The following MAP3K20 variants were observed in gnomAD, a reference collection of about 807,000 sequenced individuals.
MAP3K20 encodes mitogen-activated protein kinase kinase kinase 20.
MAP3K20 carries 40 observed loss-of-function variants against 85.7 expected under a neutral mutation model. The ratio of observed to expected loss-of-function variants is 0.47; its 90% CI spans 0.36 to 0.61. The LOEUF is 0.61. MAP3K20 is among the 20% of genes least tolerant of loss of function. The probability of loss-of-function intolerance (pLI) is 0.00; values close to 1 mark genes in which losing one functional copy is unlikely to be tolerated. For synonymous variants in MAP3K20, 325 were observed against 327.7 expected (o/e 0.99, Z 0.09); for missense variants, 817 against 961.7 (o/e 0.85, Z 1.99).
chr2:173,124,779 G>A (rs146659833), intron 2 of MAP3K20, among the ~76,000 whole-genome samples: 141 of 152,302 alleles, frequency 9.3e-4, no homozygotes, highest in African/African-American at 3.2e-3. Context: ...CAAGAAAGAT[G>A]CTCCTTCCTC....
At chr2:173,226,239 G>GCC (rs1439968258) in intron 11 of MAP3K20, 2 of 985,260 alleles carry the variant, frequency 2.0e-6, no homozygotes, top group Non-Finnish European at 2.4e-6. Flanking sequence ...CAGAATTACT[G>GCC]TGCGTACAAC....
chr2:173,193,762 C>T (rs1481512218), intron 7 of MAP3K20, among the ~76,000 whole-genome samples: 1 of 152,170 alleles, frequency 6.6e-6, no homozygotes, highest in Non-Finnish European at 1.5e-5. Flanking sequence ...ACTTAAGAAA[C>T]TATGCACCAC....
rs1044727042 is a variant in MAP3K20 at position 173,112,091 on chromosome 2, G to A, written c.159+20901G>A. 3.3e-5 allele frequency among the ~76,000 whole-genome samples: 5 copies of A among 151,964 alleles called. No homozygotes were observed. The Middle Eastern group carries it at 0.01, about 310-fold the overall frequency. On this transcript the variant is annotated intron_variant, in intron 2 of 19. Coordinates refer to ENST00000375213, the MANE Select transcript of MAP3K20 (RefSeq NM_016653.3). ...GTTCGTGTCATCTATGATTTCTTTC[G>A]GCAGTGATTTGTAGTTTTCCTTATA...
Position 173,261,145 on chromosome 2 carries a change from C to G in MAP3K20, c.1551+8C>G, listed in dbSNP as rs759728113. ...TGCACTGTCACATATGAGGTAAGCT[C>G]TGGGGGCAAGAGGCTGGTGGCCTCA... On this transcript the variant is annotated splice_region_variant and intron_variant, in intron 18 of 19. Coordinates refer to ENST00000375213, the MANE Select transcript of MAP3K20 (RefSeq NM_016653.3). The G allele has an allele frequency of 4.3e-6, 7 of 1,613,190 alleles. No individual in the cohort carries two copies. The African/African-American group carries it at 9.3e-5, about 22-fold the overall frequency.
chr2:173,254,268 A>AC (rs1389107078), intron 16 of MAP3K20, among the ~76,000 whole-genome samples: 8 of 150,866 alleles, frequency 5.3e-5, no homozygotes, highest in Non-Finnish European at 8.9e-5. Flanking sequence ...ACAAAAAAAA[A>AC]ACACAAAAAA....
At chr2:173,127,752 A>G (rs1247181395) in intron 2 of MAP3K20, among the ~76,000 whole-genome samples, 1 of 152,056 alleles carries the variant, frequency 6.6e-6, no homozygotes. Context: ...AAAAAAAAGT[A>G]AGACATAAAG....
intron 2 of MAP3K20, among the ~76,000 whole-genome samples, chr2:173,140,834 A>ACG (rs1688950819): frequency 6.6e-6 from 1 of 152,042 alleles, no homozygotes; most frequent in Admixed American, 6.6e-5. Context: ...ATATACACAC[A>ACG]CACACACGAG....
chr2:173,174,196 T>C (rs945836038), intron 3 of MAP3K20, among the ~76,000 whole-genome samples: 3 of 152,206 alleles, frequency 2.0e-5, no homozygotes, highest in African/African-American at 7.2e-5. Flanking sequence ...AACTATTTTA[T>C]TTAATCATGT....
intron 2 of MAP3K20, among the ~76,000 whole-genome samples, chr2:173,105,051 A>G (rs1036651823): frequency 6.6e-6 from 1 of 152,238 alleles, no homozygotes; most frequent in South Asian, 2.1e-4. Context: ...GTAGGCAATT[A>G]TAAGAGCCTC....
intron 2 of MAP3K20, among the ~76,000 whole-genome samples, chr2:173,157,859 A>G (rs2106235487): frequency 6.6e-6 from 1 of 152,346 alleles, no homozygotes; most frequent in Non-Finnish European, 1.5e-5. Flanking sequence ...TAGTGGGGAC[A>G]GCAGCTCAGG....
intron 17 of MAP3K20, among the ~76,000 whole-genome samples, chr2:173,260,813 T>C (rs1369612438): frequency 2.0e-5 from 3 of 152,182 alleles, no homozygotes; most frequent in African/African-American, 7.2e-5. Context: ...AAATGTTATA[T>C]CGGAAAAGAA....
rs1559280106 is a variant in MAP3K20 at position 173,209,718 on chromosome 2, C to T, written c.745-11C>T. On this transcript the variant is annotated splice_polypyrimidine_tract_variant and intron_variant, in intron 9 of 19. Transcript: ENST00000375213. ...GTCCCAGCGAATGATTACTTATTTT[C>T]TCTTCTTCAGAAACGGCCATCATTC... 2 of 1,598,720 alleles carry T rather than the reference C, an allele frequency of 1.3e-6. No homozygotes were observed. The highest frequency in any genetic ancestry group is 1.3e-5 in the African/African-American group (1 of 74,354).
intron 16 of MAP3K20, among the ~76,000 whole-genome samples, chr2:173,247,737 G>A (rs1260220840): frequency 2.6e-5 from 4 of 152,154 alleles, no homozygotes; most frequent in Non-Finnish European, 5.9e-5. Flanking sequence ...GAGGGCAGGA[G>A]GAAACTTTTG....
At chr2:173,213,908 A>G (rs1197830909) in intron 10 of MAP3K20, among the ~76,000 whole-genome samples, 1 of 152,216 alleles carries the variant, frequency 6.6e-6, no homozygotes, top group African/African-American at 2.4e-5. Context: ...ATTTCAAAAG[A>G]CAACACATTC....
chr2:173,188,662 C>G (rs369004079), intron 5 of MAP3K20, among the ~76,000 whole-genome samples: 2 of 152,128 alleles, frequency 1.3e-5, no homozygotes, highest in African/African-American at 4.8e-5. Context: ...GTTATCAGCA[C>G]CTGCCACTTA....
At chr2:173,243,747 A>G (rs1226866138) in intron 16 of MAP3K20, among the ~76,000 whole-genome samples, 1 of 152,080 alleles carries the variant, frequency 6.6e-6, no homozygotes, top group Non-Finnish European at 1.5e-5. Context: ...CCTCCCGAAT[A>G]GCTGGGACTA....
At position 173,254,259 on chromosome 2, in the gene MAP3K20, C is replaced by CAA. The variant is rs61332246; in HGVS notation, c.1360-4431_1360-4430dup. ...TGAAACCCCATCTCTCCTAAAAATACAAAAAAAAAACACAAAAAATTAGCT... is the reference window on the plus strand; with the variant it reads ...TGAAACCCCATCTCTCCTAAAAATACAAAAAAAAAAAACACAAAAAATTAGCT... On this transcript the variant is annotated intron_variant, in intron 16 of 19. Transcript: ENST00000375213. Among the ~76,000 whole-genome samples the CAA allele has an allele frequency of 1.4e-3, 205 of 146,024 alleles. 1 individual carries two copies. The highest frequency in any genetic ancestry group is 3.5e-3 in the Middle Eastern group (1 of 282).
At chr2:173,259,747 G>A (rs1029453957) in intron 17 of MAP3K20, among the ~76,000 whole-genome samples, 1 of 152,234 alleles carries the variant, frequency 6.6e-6, no homozygotes, top group Admixed American at 6.5e-5. Flanking sequence ...GGATTCCACT[G>A]TGCATCTAGG....
At chr2:173,095,250 TCTTA>T (rs919409941) in intron 2 of MAP3K20, among the ~76,000 whole-genome samples, 3 of 152,180 alleles carry the variant, frequency 2.0e-5, no homozygotes, top group Admixed American at 6.5e-5. Flanking sequence ...TTTATGATTT[TCTTA>T]CTTCAGGCAC....
Sources: gnomAD v4.1 joint callset for allele counts (sites outside exome capture counted in the v4.1 genomes callset) on GRCh38, gnomAD v4.1.1 for gene constraint, MANE v1.5 for transcripts, NCBI Gene and HGNC (gene_info 2026-07-23, HGNC 2026-07-21) for gene names.